GRIK4: variants seen among roughly 807,000 people sequenced by gnomAD.
GRIK4 encodes glutamate ionotropic receptor kainate type subunit 4.
In GRIK4, 40 loss-of-function variants were observed where a neutral mutation model predicts 104.9. That is an observed-to-expected ratio of 0.38 (90% CI 0.30 to 0.50). The LOEUF is 0.50. GRIK4 is among the 20% of genes least tolerant of loss of function. The pLI is 0.93. For missense variants in GRIK4, 1,047 were observed against 1,308.1 expected (o/e 0.80, Z 3.08); for synonymous variants, 485 against 524.9 (o/e 0.92, Z 1.04).
intron 8 of GRIK4, among the ~76,000 whole-genome samples, chr11:120,849,225 G>A (rs1172247239): frequency 6.6e-6 from 1 of 152,092 alleles, no homozygotes; most frequent in African/African-American, 2.4e-5. Flanking sequence ...GCATCAGACT[G>A]TGCATATAAA....
At chr11:120,586,605 A>C (rs1948667488) in intron 1 of GRIK4, among the ~76,000 whole-genome samples, 1 of 152,192 alleles carries the variant, frequency 6.6e-6, no homozygotes, top group African/African-American at 2.4e-5. Context: ...CTTTACTGCC[A>C]GATGCCGAGT....
intron 1 of GRIK4, among the ~76,000 whole-genome samples, chr11:120,550,730 C>CA (rs766598537): frequency 5.3e-5 from 8 of 152,018 alleles, no homozygotes; most frequent in Admixed American, 2.6e-4. Context: ...GAGAAGCATA[C>CA]AGACATGAGT....
At chr11:120,969,098 C>T (rs1270174269) in intron 19 of GRIK4, among the ~76,000 whole-genome samples, 2 of 152,194 alleles carry the variant, frequency 1.3e-5, no homozygotes, top group African/African-American at 4.8e-5. Context: ...CTTCACACTC[C>T]TGGGAATAAG....
Position 120,967,124 on chromosome 11 carries a change from G to C in GRIK4, c.2267-71G>C, listed in dbSNP as rs1171489913. The C allele has an allele frequency of 1.3e-6, 2 of 1,521,568 alleles. No individual in the cohort carries two copies. Among genetic ancestry groups the C allele is most frequent in the African/African-American group, 2.8e-5 (2 of 72,428 alleles). The allele number at this position is 1,521,568 out of a possible 1,614,324, so 94.3% of individuals were successfully genotyped here. A position where few individuals can be genotyped will look rare whatever the true frequency, so the allele number is the denominator to read the frequency against. ...GCAGGGTGGCCAGGAGGTGTGCCGGGAAGGGGAGCAGAGTGACACCTAACA... is the reference window on the plus strand; with the variant it reads ...GCAGGGTGGCCAGGAGGTGTGCCGGCAAGGGGAGCAGAGTGACACCTAACA... On this transcript the variant is annotated intron_variant, in intron 18 of 20. Coordinates refer to ENST00000527524, the MANE Select transcript of GRIK4 (RefSeq NM_014619.5). The surrounding 1 kb of genome is among the most constrained non-coding windows in gnomAD (Gnocchi z 4.2).
At chr11:120,675,595 T>C (rs1950087893) in intron 3 of GRIK4, among the ~76,000 whole-genome samples, 1 of 152,166 alleles carries the variant, frequency 6.6e-6, no homozygotes, top group Admixed American at 6.5e-5. Flanking sequence ...AAATAGTAGT[T>C]TGCTCAAGCA....
At chr11:120,651,691 C>T (rs1338892713) in intron 1 of GRIK4, among the ~76,000 whole-genome samples, 5 of 152,108 alleles carry the variant, frequency 3.3e-5, no homozygotes, top group African/African-American at 1.2e-4. Context: ...TGCTCATTAC[C>T]CCTGGCTAAC....
intron 18 of GRIK4, among the ~76,000 whole-genome samples, chr11:120,963,669 T>C (rs1393534315): frequency 3.3e-5 from 5 of 152,208 alleles, no homozygotes; most frequent in Admixed American, 6.5e-5. Context: ...CTGTTGATCT[T>C]TACCTTAGCT....
intron 19 of GRIK4, among the ~76,000 whole-genome samples, chr11:120,973,158 A>T (rs981428505): frequency 6.6e-6 from 1 of 152,176 alleles, no homozygotes. Context: ...TGGAAGTTGG[A>T]GGTGGAATAG....
In GRIK4 at chr11:120,986,309, G is replaced by A. The variant is rs1944752427; in HGVS notation, c.*49G>A. The A allele has an allele frequency of 2.9e-6, 4 of 1,394,048 alleles. No homozygotes were observed. The highest frequency in any genetic ancestry group is 2.8e-6 in the Non-Finnish European group (3 of 1,065,646). The allele number at this position is 1,394,048 out of a possible 1,614,324, so 86.4% of individuals were successfully genotyped here. Reference sequence around the variant, plus strand: ...GAGGCCGGGCGGGGCGGGAGGGGAGGGGCGGGGCGGGCGCTGCTGTCAGCC... The same window carrying A: ...GAGGCCGGGCGGGGCGGGAGGGGAGAGGCGGGGCGGGCGCTGCTGTCAGCC... On this transcript the variant is annotated 3_prime_UTR_variant, in exon 21 of 21. Coordinates refer to ENST00000527524, the MANE Select transcript of GRIK4 (RefSeq NM_014619.5).
chr11:120,914,624 C>T (rs1943067547), intron 13 of GRIK4, among the ~76,000 whole-genome samples: 1 of 152,086 alleles, frequency 6.6e-6, no homozygotes, highest in South Asian at 2.1e-4. Flanking sequence ...TGGTTCTGGA[C>T]AACTGGAGCC....
chr11:120,699,486 T>C (rs1781058106), intron 3 of GRIK4, among the ~76,000 whole-genome samples: 1 of 151,810 alleles, frequency 6.6e-6, no homozygotes. Context: ...TGAATTGAAA[T>C]GAATAGGAAT....
At chr11:120,854,548 C>T (rs757947249) in intron 8 of GRIK4, among the ~76,000 whole-genome samples, 4 of 152,196 alleles carry the variant, frequency 2.6e-5, no homozygotes, top group South Asian at 2.1e-4. Context: ...TTTATGCAGA[C>T]GCCGGAGACA....
chr11:120,923,723 A>G (rs1410525680), intron 13 of GRIK4, among the ~76,000 whole-genome samples: 2 of 152,140 alleles, frequency 1.3e-5, no homozygotes, highest in Non-Finnish European at 2.9e-5. Context: ...CCATTCGCTC[A>G]TTTAATCCTC....
intron 3 of GRIK4, among the ~76,000 whole-genome samples, chr11:120,775,571 G>A (rs1178781951): frequency 6.6e-6 from 1 of 152,236 alleles, no homozygotes. Flanking sequence ...CTTACTACGT[G>A]TATGGAACAA....
intron 1 of GRIK4, among the ~76,000 whole-genome samples, chr11:120,543,355 C>T (rs1948055402): frequency 6.6e-6 from 1 of 152,130 alleles, no homozygotes; most frequent in Non-Finnish European, 1.5e-5. Flanking sequence ...GGTGGATCAC[C>T]TGAGGGTCAG....
chr11:120,856,704 C>T (rs1319648785), intron 8 of GRIK4, among the ~76,000 whole-genome samples: 1 of 152,162 alleles, frequency 6.6e-6, no homozygotes, highest in South Asian at 2.1e-4. Context: ...CCTGCTTACC[C>T]ATTTGACCTG....
At chr11:120,713,300 A>G (rs1565309990) in intron 3 of GRIK4, among the ~76,000 whole-genome samples, 1 of 152,142 alleles carries the variant, frequency 6.6e-6, no homozygotes, top group Admixed American at 6.5e-5. Context: ...GCCACCTGAC[A>G]TGCTAAGCAC....
chr11:120,817,574 C>G (rs972981567), intron 5 of GRIK4, among the ~76,000 whole-genome samples: 1 of 152,250 alleles, frequency 6.6e-6, no homozygotes, highest in East Asian at 1.9e-4. Context: ...TGGCTGGCTG[C>G]CTTCTGCCTT....
chr11:120,527,097 G>A (rs1246710651), intron 1 of GRIK4, among the ~76,000 whole-genome samples: 1 of 152,220 alleles, frequency 6.6e-6, no homozygotes, highest in Non-Finnish European at 1.5e-5. Flanking sequence ...CGTGGCAGAG[G>A]GTCTGACCAG....
Sources: allele counts gnomAD v4.1 joint callset (sites outside exome capture counted in the v4.1 genomes callset), GRCh38; gene constraint gnomAD v4.1.1; non-coding constraint Gnocchi (gnomAD v3.1); transcripts MANE v1.5; gene names NCBI Gene and HGNC (gene_info 2026-07-23, HGNC 2026-07-21).